Variants in COL4A1 observed in about 807,000 individuals in gnomAD.
COL4A1 encodes the protein collagen alpha-1(IV) chain.
A neutral mutation model predicts 216.6 loss-of-function variants in COL4A1; 40 were observed. That is an observed-to-expected ratio of 0.18 (90% CI 0.14 to 0.24). COL4A1 has a LOEUF of 0.24. Ranked by LOEUF, COL4A1 falls within the 10% of genes least tolerant of loss-of-function variation. The probability of loss-of-function intolerance (pLI) is 1.00; values close to 1 mark genes in which losing one functional copy is unlikely to be tolerated. For synonymous variants in COL4A1, 839 were observed against 810.7 expected (o/e 1.03, Z -0.59); for missense variants, 1,628 against 2,196.8 (o/e 0.74, Z 5.18).
At chr13:110,300,250 A>C (rs927224223) in intron 1 of COL4A1, among the ~76,000 whole-genome samples, 6 of 152,206 alleles carry the variant, frequency 3.9e-5, no homozygotes, top group African/African-American at 1.4e-4. Context: ...CATGTGCTGA[A>C]TGTGAGGATT....
At position 110,187,270 on chromosome 13, in the gene COL4A1, C is replaced by T. The variant is rs769708533; in HGVS notation, c.1596G>A (p.Glu532=). Residue 532 remains glutamate (E), a synonymous_variant, in exon 25 of 52, where the codon GAG becomes GAA. Coordinates refer to ENST00000375820, the MANE Select transcript of COL4A1 (RefSeq NM_001845.6). ...GQPGAKGEPG[E]FYFDLRLKGD... ...CTTTGAGCCGCAAGTCGAAATAAAA[C>T]TCACCAGGCTCCCCCTTGGCTCCTG... 2 of 1,613,566 alleles carry T rather than the reference C, an allele frequency of 1.2e-6. No individual in the cohort carries two copies. Among genetic ancestry groups the T allele is most frequent in the Non-Finnish European group, 1.7e-6 (2 of 1,179,900 alleles).
At chr13:110,256,825 T>C (rs1358494362) in intron 1 of COL4A1, among the ~76,000 whole-genome samples, 1 of 152,180 alleles carries the variant, frequency 6.6e-6, no homozygotes, top group Non-Finnish European at 1.5e-5. Context: ...AACCACGCAC[T>C]CACTATGCAT....
At chr13:110,298,975 T>A (rs1884387314) in intron 1 of COL4A1, 1 of 152,430 alleles carries the variant, frequency 6.6e-6, no homozygotes, top group African/African-American at 2.4e-5. Flanking sequence ...CCAGATCCAC[T>A]CAGGAGCCTC....
At position 110,210,112 on chromosome 13, in the gene COL4A1, A is replaced by T. The variant is rs377388050; in HGVS notation, c.552+17T>A. 4 of 1,613,922 alleles carry T rather than the reference A, an allele frequency of 2.5e-6. No homozygotes were observed. In the African/African-American group the frequency reaches 4.0e-5, roughly 16 times the overall value. The stretch of plus-strand genomic sequence containing the variant: ...GGTGAGGTGGCACATGTTCATAATG[A>T]TTCAGCAAATGCTTACTGGAGTCCC... On this transcript the variant is annotated intron_variant, in intron 9 of 51. Coordinates refer to ENST00000375820, the MANE Select transcript of COL4A1 (RefSeq NM_001845.6).
chr13:110,176,601 T>G (rs747439949), intron 35 of COL4A1, 25 bp downstream of exon 35: 5 of 1,608,656 alleles, frequency 3.1e-6, no homozygotes, highest in South Asian at 1.1e-5. Context: ...CTTGCCACAC[T>G]GGGGACCGGA....
chr13:110,245,123 T>C (rs1000060894), intron 1 of COL4A1, among the ~76,000 whole-genome samples: 2 of 152,076 alleles, frequency 1.3e-5, no homozygotes, highest in Non-Finnish European at 2.9e-5. Context: ...AACTCGGCAA[T>C]GATTACCTGA....
chr13:110,291,544 C>G (rs1034366370), intron 1 of COL4A1, among the ~76,000 whole-genome samples: 1 of 152,208 alleles, frequency 6.6e-6, no homozygotes, highest in African/African-American at 2.4e-5. Flanking sequence ...CGAGGCTGGC[C>G]ACGTGGCAGG....
intron 2 of COL4A1, among the ~76,000 whole-genome samples, chr13:110,231,875 T>C (rs619197): frequency 1 from 152,202 of 152,366 alleles, 76,019 homozygotes; most frequent in Middle Eastern, 1. Context: ...GGAGGGCAAA[T>C]TAACCTAAGG....
chr13:110,289,759 G>C (rs1418232885), intron 1 of COL4A1, among the ~76,000 whole-genome samples: 1 of 152,204 alleles, frequency 6.6e-6, no homozygotes, highest in Non-Finnish European at 1.5e-5. Flanking sequence ...CCTGATGCAT[G>C]GAAAACTCAA....
At chr13:110,173,319 T>C (rs142022802) in intron 40 of COL4A1, among the ~76,000 whole-genome samples, 109 of 152,258 alleles carry the variant, frequency 7.2e-4, no homozygotes, top group East Asian at 1.7e-3. Context: ...CTGTGGATGC[T>C]CTTGGTGGTC....
intron 11 of COL4A1, 33 bp from the exon 12 acceptor site, chr13:110,208,923 A>AT (rs1879640148): frequency 6.2e-7 from 1 of 1,607,170 alleles, no homozygotes; most frequent in Admixed American, 1.7e-5. Context: ...TCATTATTAG[A>AT]TTTGTCTACT....
chr13:110,277,258 T>C (rs58455864), intron 1 of COL4A1, among the ~76,000 whole-genome samples: 23,562 of 152,242 alleles, frequency 0.15, 2,097 homozygotes, highest in Non-Finnish European at 0.2. Flanking sequence ...ACACATTTCA[T>C]TTCTGTGTAG....
chr13:110,302,139 T>C (rs9515183), intron 1 of COL4A1, among the ~76,000 whole-genome samples: 92,792 of 151,598 alleles, frequency 0.61, 29,265 homozygotes, highest in Admixed American at 0.72. Flanking sequence ...CAGAAAGAAG[T>C]AGGAGACTTT....
chr13:110,230,849 C>T (rs541445305), intron 2 of COL4A1, among the ~76,000 whole-genome samples: 2 of 152,200 alleles, frequency 1.3e-5, no homozygotes, highest in African/African-American at 4.8e-5. Context: ...TCCAGCCGCC[C>T]GGAACCTCTG....
At position 110,152,441 on chromosome 13, in the gene COL4A1, C is replaced by T. The variant is rs1349130193; in HGVS notation, c.4821G>A (p.Glu1607=). The T allele has an allele frequency of 6.2e-7, 1 of 1,614,082 alleles. No homozygotes were observed. Residue 1607 remains glutamate (E), a synonymous_variant, in exon 51 of 52, where the codon GAG becomes GAA. Transcript: ENST00000375820. ...ALASPGSCLE[E]FRSAPFIECH... is the part of the protein sequence containing the mutation. Reference sequence around the variant, plus strand: ...ACTCGATGAATGGCGCACTTCTAAACTCCTCCAGGCAGGAGCCGGGGGACG... The same window carrying T: ...ACTCGATGAATGGCGCACTTCTAAATTCCTCCAGGCAGGAGCCGGGGGACG...
chr13:110,215,585 C>G (rs1880033933), intron 2 of COL4A1, among the ~76,000 whole-genome samples: 1 of 149,832 alleles, frequency 6.7e-6, no homozygotes, highest in Admixed American at 6.6e-5. Flanking sequence ...AACAACAACC[C>G]ATAACCATTG....
rs779652183 is a variant in COL4A1 at position 110,175,373 on chromosome 13, A to G, written c.3059-16T>C. ...CCAGGTGTTCCTATAAACACAAACAATTGAAACTTGATTTGGGCTTAGCTA... is the reference window on the plus strand; with the variant it reads ...CCAGGTGTTCCTATAAACACAAACAGTTGAAACTTGATTTGGGCTTAGCTA... On this transcript the variant is annotated splice_polypyrimidine_tract_variant and intron_variant, in intron 36 of 51. Coordinates refer to ENST00000375820, the MANE Select transcript of COL4A1 (RefSeq NM_001845.6). 1.2e-6 allele frequency: 2 copies of G among 1,614,068 alleles called. No individual in the cohort carries two copies. Among genetic ancestry groups the G allele is most frequent in the East Asian group, 4.5e-5 (2 of 44,882 alleles).
intron 1 of COL4A1, among the ~76,000 whole-genome samples, chr13:110,296,397 A>T (rs1331121041): frequency 6.6e-6 from 1 of 152,172 alleles, no homozygotes; most frequent in African/African-American, 2.4e-5. Flanking sequence ...CTGATCTCTT[A>T]TAAGAAATAA....
In COL4A1 at chr13:110,169,725, C is replaced by T; in HGVS notation, c.3780G>A (p.Gly1260=). ...PGPMGPPGLP[G]IDGVKGDKGN... ...CTTTGTCACCTTTAACTCCATCAAT[C>T]CCAGGAAGCCCTGGAGGCCCCATGG... The change falls in exon 43 of 52, where the codon GGG becomes GGA. Residue 1260 remains glycine, a synonymous_variant. Transcript: ENST00000375820. The T allele has an allele frequency of 1.2e-6, 2 of 1,614,052 alleles. No homozygotes were observed. Among genetic ancestry groups the T allele is most frequent in the Non-Finnish European group, 1.7e-6 (2 of 1,180,030 alleles).
Sources: gnomAD v4.1 joint callset for allele counts (sites outside exome capture counted in the v4.1 genomes callset) on GRCh38, gnomAD v4.1.1 for gene constraint, MANE v1.5 for transcripts, NCBI Gene and HGNC (gene_info 2026-07-23, HGNC 2026-07-21) for gene names.